The following LRRC58 variants were observed in gnomAD, a reference collection of about 807,000 sequenced individuals.
LRRC58 encodes the protein leucine rich repeat containing 58, also known as leucine-rich repeat-containing protein 58.
Under a neutral mutation model 30.6 loss-of-function variants are expected in LRRC58, and 18 were observed. The observed-to-expected ratio is 0.59, with a 90% CI of 0.41 to 0.87. LRRC58 has a LOEUF of 0.87. Among genes scored for constraint, LRRC58 ranks in the 40% least tolerant of loss-of-function variants. The pLI, the probability that LRRC58 is intolerant of heterozygous loss-of-function variation, is 0.00. For missense variants in LRRC58, 420 were observed against 468.4 expected, an observed-to-expected ratio of 0.90 and a Z score of 0.95; for synonymous variants, 221 against 206.0, an observed-to-expected ratio of 1.07 and a Z score of -0.62.
chr3:120,328,428 T>G lies in LRRC58; in HGVS notation c.*2772A>C, dbSNP rs1208843770. The G allele has an allele frequency of 1.3e-5, 2 of 152,236 alleles. No individual in the cohort carries two copies. The highest frequency in any genetic ancestry group is 2.9e-5 in the Non-Finnish European group (2 of 68,036). 9.4% of individuals were successfully genotyped at this position (152,236 alleles called of 1,614,324 possible). A position where few individuals can be genotyped will look rare whatever the true frequency, so the allele number is the denominator to read the frequency against. ...GAATGCCATTCTAAATATATTAATG[T>G]TATGCTTAGGCAGTTTTATCCATAG... is the stretch of plus-strand genomic sequence containing the variant. On this transcript the variant is annotated 3_prime_UTR_variant, in exon 4 of 4. Coordinates refer to ENST00000295628, the MANE Select transcript of LRRC58 (RefSeq NM_001099678.2).
At position 120,335,028 on chromosome 3, in the gene LRRC58, C is replaced by T; in HGVS notation, c.741G>A (p.Leu247=). 1 of 1,613,856 alleles carries T rather than the reference C, an allele frequency of 6.2e-7. No individual in the cohort carries two copies. The highest frequency in any genetic ancestry group is 1.1e-5 in the South Asian group (1 of 91,066). Residue 247 remains leucine, a synonymous_variant, in exon 3 of 4, where the codon TTG becomes TTA. Transcript: ENST00000295628. ...LEELSLRGNP[L]VVRFVRDLTY... is the part of the protein sequence containing the mutation. ...TTAAATCTCTAACAAAACGAACAACCAATGGATTTCCTCGTAAACTCAACT... is the reference window on the plus strand; with the variant it reads ...TTAAATCTCTAACAAAACGAACAACTAATGGATTTCCTCGTAAACTCAACT...
Position 120,327,031 on chromosome 3 carries a change from T to C in LRRC58, c.*4169A>G, listed in dbSNP as rs1380449672. 1 of 152,212 alleles carries C rather than the reference T, an allele frequency of 6.6e-6. No homozygotes were observed. The highest frequency in any genetic ancestry group is 1.9e-4 in the East Asian group (1 of 5,196). 9.4% of individuals were successfully genotyped at this position (152,212 alleles called of 1,614,324 possible). On this transcript the variant is annotated 3_prime_UTR_variant, in exon 4 of 4. Transcript: ENST00000295628. ...AAGGTTGGCTGTAAGAAGATCGTATTACTTGCTGGCCCTTAATTACGGAGG... is the reference window on the plus strand; with the variant it reads ...AAGGTTGGCTGTAAGAAGATCGTATCACTTGCTGGCCCTTAATTACGGAGG...
In LRRC58 at chr3:120,326,998, G is replaced by A. The variant is rs1935684434; in HGVS notation, c.*4202C>T. On this transcript the variant is annotated 3_prime_UTR_variant, in exon 4 of 4. Transcript: ENST00000295628. ...AATGATGTATTACTTTCTCCCTTTG[G>A]GAAGAGCAAGGTTGGCTGTAAGAAG... 1 of 152,106 alleles carries A rather than the reference G, an allele frequency of 6.6e-6. No individual in the cohort carries two copies. Among genetic ancestry groups the A allele is most frequent in the African/African-American group, 2.4e-5 (1 of 41,416 alleles). 9.4% of individuals were successfully genotyped at this position (152,106 alleles called of 1,614,324 possible). A position where few individuals can be genotyped will look rare whatever the true frequency, so the allele number is the denominator to read the frequency against.
intron 3 of LRRC58, among the ~76,000 whole-genome samples, chr3:120,334,478 A>G (rs1033387318): frequency 6.6e-6 from 1 of 151,972 alleles, no homozygotes; most frequent in Admixed American, 6.6e-5. Context: ...ACTGCACTCC[A>G]GCCTGGGCAA....
intron 1 of LRRC58, among the ~76,000 whole-genome samples, chr3:120,339,397 C>T (rs1033045928): frequency 4.6e-5 from 7 of 152,102 alleles, no homozygotes; most frequent in Non-Finnish European, 1.0e-4. Context: ...ATATGTTTTA[C>T]CAATTTTATC....
Position 120,348,829 on chromosome 3 carries a change from G to C in LRRC58, c.415C>G (p.Leu139Val). The change falls in exon 1 of 4, where the codon CTC (leucine) becomes GTC (valine). Residue 139 changes from leucine (L) to valine (V), a missense_variant. Leu to Val is a conservative substitution (Grantham distance 32). Around this residue, in one of 2 missense-constraint regions of LRRC58, gnomAD observed 266 missense variants for 251.7 expected, o/e 1.06. Transcript: ENST00000295628. ...GTCTGCAGCGCGCGCAGCTCTAAGA[G>C]CGAGGCAGGCACCTCCTGGAAACAG... ...GNCFQEVPAS[L>V]LELRALQTLS... 6.2e-7 allele frequency: 1 copy of C among 1,606,294 alleles called. No individual in the cohort carries two copies. The highest frequency in any genetic ancestry group is 8.5e-7 in the Non-Finnish European group (1 of 1,177,142).
At chr3:120,331,548 A>G (rs1935758092) in intron 3 of LRRC58, 140 bp from the exon 4 acceptor site, 1 of 689,246 alleles carries the variant, frequency 1.5e-6, no homozygotes. Context: ...ACTTGCTTGT[A>G]TAGCTGTCTA....
chr3:120,337,784 C>T (rs1037203402), intron 1 of LRRC58, among the ~76,000 whole-genome samples: 1 of 152,086 alleles, frequency 6.6e-6, no homozygotes, highest in Non-Finnish European at 1.5e-5. Context: ...TACATTCAAG[C>T]TCATGACTGC....
At chr3:120,341,129 A>G (rs920354966) in intron 1 of LRRC58, among the ~76,000 whole-genome samples, 4 of 152,214 alleles carry the variant, frequency 2.6e-5, no homozygotes, top group African/African-American at 9.6e-5. Context: ...CATTGGTGAA[A>G]ACAGTTCCTA....
intron 1 of LRRC58, among the ~76,000 whole-genome samples, chr3:120,345,068 G>C (rs550958908): frequency 2.6e-5 from 4 of 151,756 alleles, no homozygotes; most frequent in Non-Finnish European, 5.9e-5. Context: ...AAGATTTTCA[G>C]CATCTACTTA....
chr3:120,344,646 TAAG>T (rs1356864241), intron 1 of LRRC58, among the ~76,000 whole-genome samples: 6 of 152,164 alleles, frequency 3.9e-5, no homozygotes, highest in Admixed American at 3.9e-4. Flanking sequence ...AGGCATTACT[TAAG>T]AAGAAAAGAT....
intron 1 of LRRC58, among the ~76,000 whole-genome samples, chr3:120,343,094 A>T (rs1935924300): frequency 6.6e-6 from 1 of 152,238 alleles, no homozygotes; most frequent in African/African-American, 2.4e-5. Context: ...AAACATTAGT[A>T]GTTACCTTGA....
rs530824872 is a variant in LRRC58 at position 120,344,167 on chromosome 3, A to C, written c.500+4577T>G. ...TGGAATTAAAGTAAGATAGGAATGT[A>C]CAAAGAAGTAGAAAACAGAAAGGAA... On this transcript the variant is annotated intron_variant, in intron 1 of 3. Transcript: ENST00000295628. 9.2e-5 allele frequency among the ~76,000 whole-genome samples: 14 copies of C among 152,250 alleles called. 1 individual carries two copies. In the East Asian group the frequency reaches 2.7e-3, roughly 29 times the overall value.
At chr3:120,339,021 G>A (rs901257807) in intron 1 of LRRC58, among the ~76,000 whole-genome samples, 2 of 152,120 alleles carry the variant, frequency 1.3e-5, no homozygotes, top group South Asian at 2.1e-4. Context: ...ACTTATTGGT[G>A]TATTTTTATT....
At chr3:120,344,314 T>G (rs1188667703) in intron 1 of LRRC58, among the ~76,000 whole-genome samples, 1 of 152,158 alleles carries the variant, frequency 6.6e-6, no homozygotes, top group East Asian at 1.9e-4. Context: ...TGTTCAAAAG[T>G]AGACATACAA....
At chr3:120,332,371 TATCTC>T (rs1482563154) in intron 3 of LRRC58, among the ~76,000 whole-genome samples, 1 of 152,232 alleles carries the variant, frequency 6.6e-6, no homozygotes, top group Non-Finnish European at 1.5e-5. Context: ...TTTTTCCTGA[TATCTC>T]AACTAACCAT....
At position 120,349,254 on chromosome 3, in the gene LRRC58, G is replaced by A. The variant is rs923781956; in HGVS notation, c.-11C>T. ...TCCGGCCTCCTCCATCCTGGCCACC[G>A]CACGGCGCGTGGCGCCGGATTCCCC... On this transcript the variant is annotated 5_prime_UTR_variant, in exon 1 of 4. Transcript: ENST00000295628. 6.6e-6 allele frequency: 9 copies of A among 1,359,638 alleles called. No individual in the cohort carries two copies. The Admixed American group carries it at 1.2e-4, about 18-fold the overall frequency. 84.2% of individuals were successfully genotyped at this position (1,359,638 alleles called of 1,614,324 possible).
In LRRC58 at chr3:120,325,112, A is replaced by C. The variant is rs1048347094; in HGVS notation, c.*6088T>G. On this transcript the variant is annotated 3_prime_UTR_variant, in exon 4 of 4. Coordinates refer to ENST00000295628, the MANE Select transcript of LRRC58 (RefSeq NM_001099678.2). ...AGGCTCAGAAATGCAAAAAACCTCA[A>C]CTGCAGGCACACGTCTTTACATGAT... The C allele has an allele frequency of 1.3e-5, 2 of 152,208 alleles. No homozygotes were observed. Among genetic ancestry groups the C allele is most frequent in the African/African-American group, 4.8e-5 (2 of 41,472 alleles). 9.4% of individuals were successfully genotyped at this position (152,208 alleles called of 1,614,324 possible).
chr3:120,344,942 C>T (rs9817398), intron 1 of LRRC58, among the ~76,000 whole-genome samples: 47,057 of 152,020 alleles, frequency 0.31, 8,883 homozygotes, highest in African/African-American at 0.52. Flanking sequence ...AACAATTACA[C>T]TTATTTGCTG....
Sources: gnomAD v4.1 joint callset for allele counts (sites outside exome capture counted in the v4.1 genomes callset) on GRCh38, gnomAD v4.1.1 for gene constraint, gnomAD v4.1.1 regional missense constraint, MANE v1.5 for transcripts, NCBI Gene and HGNC (gene_info 2026-07-23, HGNC 2026-07-21) for gene names.